The following STK4 variants were observed in gnomAD, a reference collection of about 807,000 sequenced individuals.
The protein encoded by STK4 is serine/threonine-protein kinase 4.
In STK4, 30 loss-of-function variants were observed where a neutral mutation model predicts 64.9. The ratio of observed to expected loss-of-function variants is 0.46; its 90% CI spans 0.35 to 0.63. The LOEUF is 0.63. Among genes scored for constraint, STK4 ranks in the 20% least tolerant of loss-of-function variants. The pLI is 0.01. For missense variants in STK4, 466 were observed against 598.5 expected (o/e 0.78, Z 2.31); for synonymous variants, 177 against 199.0 (o/e 0.89, Z 0.93).
chr20:45,061,834 TG>T (rs1385950281), intron 10 of STK4, among the ~76,000 whole-genome samples: 1 of 151,328 alleles, frequency 6.6e-6, no homozygotes, highest in African/African-American at 2.4e-5. Flanking sequence ...AGTGAGAACA[TG>T]CAGTATTTGT....
At chr20:45,047,553 G>T (rs535590599) in intron 10 of STK4, among the ~76,000 whole-genome samples, 43 of 152,204 alleles carry the variant, frequency 2.8e-4, no homozygotes, top group African/African-American at 1.0e-3. Context: ...AATTTCTTCA[G>T]ATTTTCTTTT....
At chr20:45,055,887 C>T (rs2145448182) in intron 10 of STK4, among the ~76,000 whole-genome samples, 1 of 152,192 alleles carries the variant, frequency 6.6e-6, no homozygotes, top group East Asian at 1.9e-4. Flanking sequence ...TGCACACCAC[C>T]ATGCCTGGCT....
Position 45,075,220 on chromosome 20 carries a change from G to A in STK4, c.*44G>A. 6.2e-7 allele frequency: 1 copy of A among 1,601,562 alleles called. No homozygotes were observed. Among genetic ancestry groups the A allele is most frequent in the Non-Finnish European group, 8.5e-7 (1 of 1,175,926 alleles). On this transcript the variant is annotated 3_prime_UTR_variant, in exon 11 of 11. Transcript: ENST00000372806. ...GGCCCCAGCTCCACCCAGGCTTTGG[G>A]TGAATTCTGGATGGCTTGCCTCATG...
At chr20:45,002,542 G>C (rs933205189) in intron 9 of STK4, among the ~76,000 whole-genome samples, 2 of 152,026 alleles carry the variant, frequency 1.3e-5, no homozygotes, top group Non-Finnish European at 2.9e-5. Flanking sequence ...CTCCCTTTTG[G>C]ATTACAGATT....
intron 10 of STK4, among the ~76,000 whole-genome samples, chr20:45,058,436 C>G (rs2145453861): frequency 6.6e-6 from 1 of 152,256 alleles, no homozygotes; most frequent in Non-Finnish European, 1.5e-5. Context: ...TAGGGAATTT[C>G]TATTTGTATT....
At chr20:44,992,825 G>T (rs1167778816) in intron 5 of STK4, among the ~76,000 whole-genome samples, 1 of 152,036 alleles carries the variant, frequency 6.6e-6, no homozygotes, top group African/African-American at 2.4e-5. Context: ...CTCCCGAGTA[G>T]CTGGGATTAC....
At chr20:45,005,647 CA>C (rs1214893882) in intron 9 of STK4, among the ~76,000 whole-genome samples, 13,890 of 65,426 alleles carry the variant, frequency 0.21, 539 homozygotes, top group East Asian at 0.31. Flanking sequence ...GACTCTGTCT[CA>C]AAAAAAAAAA....
At chr20:45,027,430 CA>C (rs35208496) in intron 10 of STK4, among the ~76,000 whole-genome samples, 29,024 of 79,450 alleles carry the variant, frequency 0.37, 2,807 homozygotes, top group Middle Eastern at 0.51. Context: ...AACTCCGTCT[CA>C]AAAAAAAAAA....
chr20:45,056,107 T>G (rs1393318339), intron 10 of STK4, among the ~76,000 whole-genome samples: 2 of 152,224 alleles, frequency 1.3e-5, no homozygotes, highest in Non-Finnish European at 2.9e-5. Flanking sequence ...CCTGCCACAA[T>G]TTTTTGCTAT....
chr20:45,054,738 G>A (rs941321184), intron 10 of STK4, among the ~76,000 whole-genome samples: 2 of 152,078 alleles, frequency 1.3e-5, no homozygotes, highest in Non-Finnish European at 2.9e-5. Context: ...AATTATAGCT[G>A]TAAGATTTAA....
intron 9 of STK4, among the ~76,000 whole-genome samples, chr20:45,005,993 A>G (rs959022719): frequency 3.3e-5 from 5 of 151,404 alleles, no homozygotes; most frequent in African/African-American, 9.7e-5. Context: ...TCTGTTGTCA[A>G]TATTGTTCTT....
At chr20:45,042,888 C>T (rs2068635555) in intron 10 of STK4, among the ~76,000 whole-genome samples, 1 of 151,974 alleles carries the variant, frequency 6.6e-6, no homozygotes, top group African/African-American at 2.4e-5. Flanking sequence ...GCAGGATGTG[C>T]TGGTTTTTTA....
chr20:44,978,421 T>A, intron 2 of STK4, 22 bp from the exon 3 acceptor site: 1 of 1,599,518 alleles, frequency 6.3e-7, no homozygotes, highest in South Asian at 1.1e-5. Flanking sequence ...TTATAAATGT[T>A]CTTCTTCTCC....
chr20:44,989,719 G>A (rs1237318021), intron 5 of STK4, among the ~76,000 whole-genome samples: 1 of 152,078 alleles, frequency 6.6e-6, no homozygotes, highest in African/African-American at 2.4e-5. Flanking sequence ...AATGGTTCTA[G>A]CTCTTATGTT....
In STK4 at chr20:45,077,247, T is replaced by G. The variant is rs1018745242; in HGVS notation, c.*2071T>G. 1 of 152,182 alleles carries G rather than the reference T, an allele frequency of 6.6e-6. No homozygotes were observed. Among genetic ancestry groups the G allele is most frequent in the Non-Finnish European group, 1.5e-5 (1 of 68,020 alleles). The allele number at this position is 152,182 out of a possible 1,614,324, so 9.4% of individuals were successfully genotyped here. On this transcript the variant is annotated 3_prime_UTR_variant, in exon 11 of 11. Transcript: ENST00000372806. The stretch of plus-strand genomic sequence containing the variant: ...AGTGACCACCTTTTCTTGCATAGAC[T>G]AAATAACTCGAACTGGCATTTTTAG...
intron 10 of STK4, chr20:45,052,967 G>A: frequency 1.4e-6 from 1 of 713,946 alleles, no homozygotes; most frequent in African/African-American, 1.8e-5. Flanking sequence ...GTTCTTGACA[G>A]GGTACACTAT....
intron 10 of STK4, among the ~76,000 whole-genome samples, chr20:45,036,454 A>G (rs967210088): frequency 1.1e-4 from 16 of 152,164 alleles, no homozygotes; most frequent in Admixed American, 8.5e-4. Flanking sequence ...CTTTTGAGGT[A>G]TAACAGTGCT....
intron 5 of STK4, 98 bp from the exon 6 acceptor site, chr20:44,994,992 G>GTTTTT: frequency 6.4e-6 from 5 of 781,502 alleles, no homozygotes; most frequent in South Asian, 4.1e-5. Context: ...TTTCTCAGTA[G>GTTTTT]TTTTTTTTTT....
intron 6 of STK4, among the ~76,000 whole-genome samples, chr20:44,995,605 CAAAAAAAA>C (rs60140206): frequency 5.5e-5 from 3 of 54,556 alleles, no homozygotes; most frequent in African/African-American, 2.0e-4. Context: ...GACTCCATCT[CAAAAAAAA>C]AAAAAAAAAA....
Sources: gnomAD v4.1 joint callset for allele counts (sites outside exome capture counted in the v4.1 genomes callset) on GRCh38, gnomAD v4.1.1 for gene constraint, MANE v1.5 for transcripts, NCBI Gene and HGNC (gene_info 2026-07-23, HGNC 2026-07-21) for gene names.